COL16A1: variants seen among roughly 807,000 people sequenced by gnomAD.
COL16A1 encodes collagen alpha-1(XVI) chain.
Under a neutral mutation model 266.3 loss-of-function variants are expected in COL16A1, and 189 were observed. The observed-to-expected ratio is 0.71, with a 90% CI of 0.63 to 0.80. COL16A1 has a LOEUF of 0.80. Among genes scored for constraint, COL16A1 ranks in the 30% least tolerant of loss-of-function variants. The pLI, the probability that COL16A1 is intolerant of heterozygous loss-of-function variation, is 0.00. For synonymous variants in COL16A1, 740 were observed against 782.3 expected (o/e 0.95, Z 0.90); for missense variants, 1,928 against 2,122.4 (o/e 0.91, Z 1.80).
chr1:31,689,194 C>A (rs1015824179), intron 23 of COL16A1, 109 bp from the exon 24 acceptor site: 1 of 1,550,976 alleles, frequency 6.4e-7, no homozygotes, highest in Non-Finnish European at 8.7e-7. Context: ...CGTCCAAACA[C>A]CTAGGGGTCC....
At chr1:31,658,419 T>G in intron 64 of COL16A1, 69 bp downstream of exon 64, 1 of 1,276,944 alleles carries the variant, frequency 7.8e-7, no homozygotes. Flanking sequence ...TATGTTGTGC[T>G]GTGCTCAACA....
At position 31,693,149 on chromosome 1, in the gene COL16A1, C is replaced by A. The variant is rs779260642; in HGVS notation, c.1014G>T (p.Gly338=). 2.3e-5 allele frequency: 37 copies of A among 1,608,482 alleles called. No individual in the cohort carries two copies. Among genetic ancestry groups the A allele is most frequent in the Admixed American group, 6.7e-5 (4 of 59,976 alleles). ...GACCAGGCAGGCCCCGCTCACCTTT[C>A]CCTCCCTGAGAGTGAAACCAGAATG... ...VTLAPSGPKG[G]KGERGLPGPP... is the part of the protein sequence containing the mutation. The change falls in exon 13 of 71, where the codon GGG becomes GGT. Residue 338 remains glycine, a synonymous_variant. Coordinates refer to ENST00000373672, the MANE Select transcript of COL16A1 (RefSeq NM_001856.4).
At position 31,657,247 on chromosome 1, in the gene COL16A1, T is replaced by A; in HGVS notation, c.4021-179A>T. 1 of 667,480 alleles carries A rather than the reference T, an allele frequency of 1.5e-6. No individual in the cohort carries two copies. The highest frequency in any genetic ancestry group is 2.7e-5 in the East Asian group (1 of 36,616). The allele number at this position is 667,480 out of a possible 1,614,324, so 41.3% of individuals were successfully genotyped here. On this transcript the variant is annotated intron_variant, in intron 64 of 70. Transcript: ENST00000373672. This position sits in a 1 kb window ranked among gnomAD's most constrained non-coding sequence, Gnocchi z 6.4. ...GGAAACTTAGACCCCCACCCCATACTCCAGCGTGATCCCAGAGCCCCAACA... is the reference window on the plus strand; with the variant it reads ...GGAAACTTAGACCCCCACCCCATACACCAGCGTGATCCCAGAGCCCCAACA...
At position 31,661,846 on chromosome 1, in the gene COL16A1, T is replaced by A. The variant is rs1641698247; in HGVS notation, c.3682-142A>T. ...ATCCAAGCCTGGCTCAGCCTCTGAC[T>A]GGCTGTGGATCCTCAGTGACTTCCA... On this transcript the variant is annotated intron_variant, in intron 58 of 70. Coordinates refer to ENST00000373672, the MANE Select transcript of COL16A1 (RefSeq NM_001856.4). The A allele has an allele frequency of 6.8e-6, 6 of 880,314 alleles. No homozygotes were observed. The South Asian group carries it at 7.3e-5, about 11-fold the overall frequency. The allele number at this position is 880,314 out of a possible 1,614,324, so 54.5% of individuals were successfully genotyped here.
At chr1:31,661,856 T>A (rs1490616595) in intron 58 of COL16A1, 152 bp from the exon 59 acceptor site, 5 of 813,002 alleles carry the variant, frequency 6.2e-6, no homozygotes, top group Non-Finnish European at 9.6e-6. Flanking sequence ...TGGCTGTGGA[T>A]CCTCAGTGAC....
intron 22 of COL16A1, 142 bp from the exon 23 acceptor site, chr1:31,689,993 G>T (rs371437653): frequency 1.0e-5 from 7 of 687,630 alleles, no homozygotes; most frequent in Middle Eastern, 4.0e-4. Context: ...CAGGAATGCC[G>T]CTGGGGCTTC....
In COL16A1 at chr1:31,662,674, G is replaced by GCCCCCCC. The variant is rs71006318; in HGVS notation, c.3556-23_3556-17dup. On this transcript the variant is annotated splice_polypyrimidine_tract_variant and intron_variant, in intron 56 of 70. Transcript: ENST00000373672. ...CTTCGCTGCCCTGGAAACCAGCGCC[G>GCCCCCCC]CCCCCCCCCCCCGCCCCACAATAAA... 2.2e-5 allele frequency: 28 copies of GCCCCCCC among 1,264,498 alleles called. No homozygotes were observed. The highest frequency in any genetic ancestry group is 1.6e-4 in the South Asian group (11 of 67,442). 78.3% of individuals were successfully genotyped at this position (1,264,498 alleles called of 1,614,324 possible). A position where few individuals can be genotyped will look rare whatever the true frequency, so the allele number is the denominator to read the frequency against.
Position 31,675,283 on chromosome 1 carries a change from C to T in COL16A1, c.2801G>A (p.Gly934Glu). 1 of 1,614,190 alleles carries T rather than the reference C, an allele frequency of 6.2e-7. No individual in the cohort carries two copies. Among genetic ancestry groups the T allele is most frequent in the Non-Finnish European group, 8.5e-7 (1 of 1,180,036 alleles). ...QGVPGNNGLP[G>E]QPGLTAELGS... ...CAGTTCTGCAGTGAGCCCAGGCTGT[C>T]CTGGCAAACCGTTGTTTCCAGGCAC... The change falls in exon 43 of 71, where the codon GGA (glycine) becomes GAA (glutamate). Residue 934 changes from glycine to glutamate, a missense_variant. Gly to Glu is a moderately conservative substitution (Grantham distance 98). Around this residue, in one of 2 missense-constraint regions of COL16A1, gnomAD observed 1,552 missense variants for 1,637.2 expected, o/e 0.95. Transcript: ENST00000373672.
chr1:31,692,406 T>C, intron 16 of COL16A1, 68 bp downstream of exon 16: 2 of 1,558,028 alleles, frequency 1.3e-6, no homozygotes, highest in Non-Finnish European at 1.7e-6. Flanking sequence ...CCCCGACTCC[T>C]CCTTCCTCAT....
chr1:31,670,302 G>T lies in COL16A1; in HGVS notation c.3195+300C>A. On this transcript the variant is annotated intron_variant, in intron 49 of 70. Transcript: ENST00000373672. This position sits in a 1 kb window ranked among gnomAD's most constrained non-coding sequence, Gnocchi z 4.5. The stretch of plus-strand genomic sequence containing the variant: ...AAGGTTCACGAGCTCAGGAGGACTT[G>T]GGGGAGTGCTGCAAGATGGTGCGAG... 2.8e-6 allele frequency: 1 copy of T among 360,450 alleles called. No individual in the cohort carries two copies. Among genetic ancestry groups the T allele is most frequent in the Non-Finnish European group, 4.9e-6 (1 of 202,362 alleles). 22.3% of individuals were successfully genotyped at this position (360,450 alleles called of 1,614,324 possible). A position where few individuals can be genotyped will look rare whatever the true frequency, so the allele number is the denominator to read the frequency against.
At chr1:31,692,921 G>C in intron 13 of COL16A1, 113 bp from the exon 14 acceptor site, 1 of 1,137,238 alleles carries the variant, frequency 8.8e-7, no homozygotes. Flanking sequence ...CCTAGAAAAG[G>C]GGGGCTTCTA....
rs755179199 is a variant in COL16A1, at chr1:31,685,757, T to C, written c.1898A>G (p.Glu633Gly). 5 of 1,613,722 alleles carry C rather than the reference T, an allele frequency of 3.1e-6. No homozygotes were observed. The Admixed American group carries it at 8.3e-5, about 27-fold the overall frequency. ...AAGGTTGGACAGGGCTGGGCACGGC[T>C]CACAGGGCTCCCCCTGCCAAGCAAG... ...GIKGAKGEPC[E>G]PCPALSNLQD... is the part of the protein sequence containing the mutation. The change falls in exon 29 of 71, where the codon GAG becomes GGG. Residue 633 changes from glutamate (E) to glycine (G), a missense_variant. Physicochemically the swap from Glu to Gly is moderately conservative, Grantham distance 98. Transcript: ENST00000373672. This position sits in a 1 kb window ranked among gnomAD's most constrained non-coding sequence, Gnocchi z 4.0.
At chr1:31,696,058 G>A (rs1376315187) in intron 9 of COL16A1, 30 bp downstream of exon 9, 2 of 1,591,860 alleles carry the variant, frequency 1.3e-6, no homozygotes, top group Non-Finnish European at 8.6e-7. Context: ...CTGAGGGCAG[G>A]TAGGCTCCTC....
At position 31,670,440 on chromosome 1, in the gene COL16A1, C is replaced by T. The variant is rs532247066; in HGVS notation, c.3195+162G>A. The T allele has an allele frequency of 3.4e-6, 3 of 870,826 alleles. No individual in the cohort carries two copies. Among genetic ancestry groups the T allele is most frequent in the African/African-American group, 1.8e-5 (1 of 54,644 alleles). 53.9% of individuals were successfully genotyped at this position (870,826 alleles called of 1,614,324 possible). A position where few individuals can be genotyped will look rare whatever the true frequency, so the allele number is the denominator to read the frequency against. On this transcript the variant is annotated intron_variant, in intron 49 of 70. Coordinates refer to ENST00000373672, the MANE Select transcript of COL16A1 (RefSeq NM_001856.4). This position sits in a 1 kb window ranked among gnomAD's most constrained non-coding sequence, Gnocchi z 4.5. ...GTCAGAGACTGGGAGGATGTCCAAGCTGCCGGGACCTCAGAGAACCCGTGT... is the reference window on the plus strand; with the variant it reads ...GTCAGAGACTGGGAGGATGTCCAAGTTGCCGGGACCTCAGAGAACCCGTGT...
At chr1:31,702,875 G>A (rs933869691) in intron 1 of COL16A1, among the ~76,000 whole-genome samples, 6 of 151,840 alleles carry the variant, frequency 4.0e-5, no homozygotes, top group Non-Finnish European at 5.9e-5. Context: ...AGCCACCCCC[G>A]CCCCCAGCTG....
Position 31,653,627 on chromosome 1 carries a change from T to C in COL16A1, c.4584A>G (p.Ala1528=). Residue 1528 remains alanine, a synonymous_variant, in exon 70 of 71, where the codon GCA becomes GCG. Coordinates refer to ENST00000373672, the MANE Select transcript of COL16A1 (RefSeq NM_001856.4). ...GGGGGCCGGGAAGACCATTTTCTCC[T>C]GCAATGCCAATACCAATGTCCCCTT... ...GEKGDIGIGI[A]GENGLPGPPG... The C allele has an allele frequency of 6.2e-7, 1 of 1,613,950 alleles. No individual in the cohort carries two copies. Among genetic ancestry groups the C allele is most frequent in the Non-Finnish European group, 8.5e-7 (1 of 1,179,906 alleles).
rs756423421 is a variant in COL16A1, at chr1:31,666,048, G to A, written c.3391C>T (p.Pro1131Ser). The A allele has an allele frequency of 1.1e-5, 17 of 1,613,392 alleles. No homozygotes were observed. In the Admixed American group the frequency reaches 2.5e-4, roughly 24 times the overall value. Residue 1131 changes from proline (P) to serine (S), a missense_variant, in exon 53 of 71, where the codon CCA becomes TCA. Pro to Ser is a moderately conservative substitution (Grantham distance 74). Around this residue, in one of 2 missense-constraint regions of COL16A1, gnomAD observed 1,552 missense variants for 1,637.2 expected, o/e 0.95. Transcript: ENST00000373672. ...CCTCCTTCACTCACCGCTGGGCCTGGGGGGCCTGGGAGGCCTTCAGATCCT... is the reference window on the plus strand; with the variant it reads ...CCTCCTTCACTCACCGCTGGGCCTGAGGGGCCTGGGAGGCCTTCAGATCCT... ...PPGSEGLPGP[P>S]GPAGPRGERG...
At position 31,688,628 on chromosome 1, in the gene COL16A1, C is replaced by T. The variant is rs1644106349; in HGVS notation, c.1768-126G>A. 1.5e-6 allele frequency: 2 copies of T among 1,333,562 alleles called. No homozygotes were observed. The highest frequency in any genetic ancestry group is 2.9e-5 in the African/African-American group (2 of 69,328). The allele number at this position is 1,333,562 out of a possible 1,614,324, so 82.6% of individuals were successfully genotyped here. A position where few individuals can be genotyped will look rare whatever the true frequency, so the allele number is the denominator to read the frequency against. Reference sequence around the variant, plus strand: ...GAATTATGTCCTTCAGGTAGCTGGACAGTTTCTTCAGTTAGACAACTGAAG... The same window carrying T: ...GAATTATGTCCTTCAGGTAGCTGGATAGTTTCTTCAGTTAGACAACTGAAG... On this transcript the variant is annotated intron_variant, in intron 25 of 70. Coordinates refer to ENST00000373672, the MANE Select transcript of COL16A1 (RefSeq NM_001856.4). The surrounding 1 kb of genome is among the most constrained non-coding windows in gnomAD (Gnocchi z 4.9).
intron 13 of COL16A1, 113 bp from the exon 14 acceptor site, chr1:31,692,921 G>T: frequency 3.5e-6 from 4 of 1,137,238 alleles, no homozygotes; most frequent in Non-Finnish European, 5.2e-6. Flanking sequence ...CCTAGAAAAG[G>T]GGGGCTTCTA....
Sources: gnomAD v4.1 joint callset for allele counts (sites outside exome capture counted in the v4.1 genomes callset) on GRCh38, gnomAD v4.1.1 for gene constraint, gnomAD v4.1.1 regional missense constraint, Gnocchi (gnomAD v3.1) non-coding constraint, MANE v1.5 for transcripts, NCBI Gene and HGNC (gene_info 2026-07-23, HGNC 2026-07-21) for gene names.